The following TACC1 variants were observed in gnomAD, a reference collection of about 807,000 sequenced individuals.
TACC1 encodes the protein transforming acidic coiled-coil-containing protein 1.
In TACC1, 48 loss-of-function variants were observed where a neutral mutation model predicts 84.4. The observed-to-expected ratio is 0.57, with a 90% CI of 0.45 to 0.72. TACC1 has a LOEUF of 0.72. Among genes scored for constraint, TACC1 ranks in the 30% least tolerant of loss-of-function variants. The probability of loss-of-function intolerance (pLI) is 0.00; values close to 1 mark genes in which losing one functional copy is unlikely to be tolerated. For synonymous variants in TACC1, 372 were observed against 376.3 expected (o/e 0.99, Z 0.13); for missense variants, 920 against 973.0 (o/e 0.95, Z 0.72).
chr8:38,736,545 G>T (rs374543986), intron 1 of TACC1, among the ~76,000 whole-genome samples: 1 of 152,212 alleles, frequency 6.6e-6, no homozygotes, highest in South Asian at 2.1e-4. Flanking sequence ...GAGCTCAGGA[G>T]GTCAAGGCTG....
At chr8:38,845,772 C>T (rs1832110886) in intron 11 of TACC1, among the ~76,000 whole-genome samples, 1 of 152,242 alleles carries the variant, frequency 6.6e-6, no homozygotes, top group Non-Finnish European at 1.5e-5. Flanking sequence ...GTGACTACCA[C>T]ATTGCCCGCC....
Position 38,846,828 on chromosome 8 carries a change from AG to A in TACC1, c.2349+12del, listed in dbSNP as rs766786767. The A allele has an allele frequency of 1.4e-5, 22 of 1,613,920 alleles. No individual in the cohort carries two copies. The Admixed American group carries it at 3.5e-4, about 26-fold the overall frequency. On this transcript the variant is annotated intron_variant, in intron 12 of 12. Coordinates refer to ENST00000317827, the MANE Select transcript of TACC1 (RefSeq NM_006283.3). The stretch of plus-strand genomic sequence containing the variant: ...GGGCCCTGCAGCAGAAGGTACAGAA[AG>A]GGACCTGATCTGGGTGGCCACAGAG...
At chr8:38,799,390 A>C (rs1820807390) in intron 2 of TACC1, among the ~76,000 whole-genome samples, 2 of 152,248 alleles carry the variant, frequency 1.3e-5, no homozygotes, top group South Asian at 4.1e-4. Context: ...TTGGACGCTC[A>C]GTTTCTGCTC....
In TACC1 at chr8:38,851,915, A is replaced by C. The variant is rs934990970; in HGVS notation, c.*3892A>C. ...TTTAATAAAGAAGTATTTCGAGGAG[A>C]TATCTGTCCAAAAAGGTTTGACTGG... On this transcript the variant is annotated 3_prime_UTR_variant, in exon 13 of 13. Transcript: ENST00000317827. 4.4e-6 allele frequency: 2 copies of C among 453,256 alleles called. No individual in the cohort carries two copies. Among genetic ancestry groups the C allele is most frequent in the African/African-American group, 4.0e-5 (2 of 49,928 alleles). The allele number at this position is 453,256 out of a possible 1,614,324, so 28.1% of individuals were successfully genotyped here. A position where few individuals can be genotyped will look rare whatever the true frequency, so the allele number is the denominator to read the frequency against.
intron 2 of TACC1, among the ~76,000 whole-genome samples, chr8:38,790,545 C>T (rs1818401148): frequency 6.6e-6 from 1 of 152,170 alleles, no homozygotes; most frequent in African/African-American, 2.4e-5. Context: ...GGCACTGTCA[C>T]CCTGAAGTGG....
At chr8:38,842,557 A>G in intron 10 of TACC1, 110 bp downstream of exon 10, 1 of 1,192,466 alleles carries the variant, frequency 8.4e-7, no homozygotes. Flanking sequence ...TTTAAATAGG[A>G]GCTCAGGGCC....
intron 5 of TACC1, among the ~76,000 whole-genome samples, chr8:38,830,600 CT>C (rs1388815387): frequency 1.3e-5 from 2 of 151,900 alleles, no homozygotes; most frequent in Non-Finnish European, 2.9e-5. Context: ...ATCCTCTACC[CT>C]AGTAGAGTAG....
intron 3 of TACC1, among the ~76,000 whole-genome samples, chr8:38,764,222 C>A (rs1016894931): frequency 6.6e-6 from 1 of 152,002 alleles, no homozygotes; most frequent in Non-Finnish European, 1.5e-5. Context: ...GGATTACAGG[C>A]GCCCACCACC....
intron 3 of TACC1, among the ~76,000 whole-genome samples, chr8:38,822,900 A>G (rs1395287822): frequency 6.6e-6 from 1 of 152,180 alleles, no homozygotes; most frequent in Non-Finnish European, 1.5e-5. Flanking sequence ...ATTACATGGC[A>G]CCTGACTGTA....
intron 3 of TACC1, among the ~76,000 whole-genome samples, chr8:38,770,919 A>G (rs537826779): frequency 6.6e-6 from 1 of 152,160 alleles, no homozygotes; most frequent in African/African-American, 2.4e-5. Context: ...AGGCTGAGGA[A>G]TGTTGCCTCA....
intron 3 of TACC1, among the ~76,000 whole-genome samples, chr8:38,758,464 G>A (rs773708564): frequency 2.0e-5 from 3 of 152,110 alleles, no homozygotes; most frequent in Non-Finnish European, 2.9e-5. Flanking sequence ...GATCCCCTGA[G>A]GTCAGGAGTT....
At chr8:38,842,231 A>G in intron 9 of TACC1, 56 bp from the exon 10 acceptor site, 1 of 1,575,924 alleles carries the variant, frequency 6.3e-7, no homozygotes, top group Non-Finnish European at 8.6e-7. Context: ...CTTGTCTTCT[A>G]AGGAGTGTCT....
chr8:38,730,270 G>A (rs561396691), intron 1 of TACC1, among the ~76,000 whole-genome samples: 9 of 152,326 alleles, frequency 5.9e-5, no homozygotes, highest in South Asian at 4.1e-4. Context: ...AAGGCTCAGC[G>A]AGCCAGCTGT....
At chr8:38,779,261 C>A (rs1172429349) in intron 3 of TACC1, among the ~76,000 whole-genome samples, 1 of 152,198 alleles carries the variant, frequency 6.6e-6, no homozygotes, top group Non-Finnish European at 1.5e-5. Context: ...AGGAAGATGC[C>A]ACTATGCCTG....
At chr8:38,773,593 T>TCTATCTAGCTATCTATCTAGCTAG (rs1563382005) in intron 3 of TACC1, among the ~76,000 whole-genome samples, 34 of 113,386 alleles carry the variant, frequency 3.0e-4, no homozygotes, top group South Asian at 8.3e-4. Context: ...TATCTAGCTA[T>TCTATCTAGCTATCTATCTAGCTAG]CTATCTATCT....
rs532510631 is a variant in TACC1 at position 38,744,345 on chromosome 8, A to G, written c.-573-550A>G. Among the ~76,000 whole-genome samples the G allele has an allele frequency of 4.6e-5, 7 of 152,106 alleles. No individual in the cohort carries two copies. In the East Asian group the frequency reaches 1.4e-3, roughly 29 times the overall value. On this transcript the variant is annotated intron_variant, in intron 2 of 14. Transcript: ENST00000518415. ...TGGCCAGGCTGGTTTCGAACTCCTG[A>G]CCTCAGGTGATCCACCCGTCTCAGC...
chr8:38,820,718 C>T, intron 3 of TACC1, 83 bp downstream of exon 3: 1 of 1,527,474 alleles, frequency 6.5e-7, no homozygotes, highest in South Asian at 1.3e-5. Flanking sequence ...CTTTGGTGAA[C>T]TGAATTTACC....
chr8:38,742,293 C>T (rs1254877404), intron 1 of TACC1: 1 of 730,946 alleles, frequency 1.4e-6, no homozygotes, highest in Non-Finnish European at 2.0e-6. Flanking sequence ...GAAACTTGTG[C>T]TGGAAACTTA....
chr8:38,771,561 A>G (rs1228279679), intron 3 of TACC1, among the ~76,000 whole-genome samples: 2 of 152,152 alleles, frequency 1.3e-5, no homozygotes, highest in African/African-American at 4.8e-5. Flanking sequence ...GTTTCTGTGT[A>G]AGAGAGTGAG....
Sources: allele counts gnomAD v4.1 joint callset (sites outside exome capture counted in the v4.1 genomes callset), GRCh38; gene constraint gnomAD v4.1.1; transcripts MANE v1.5; gene names NCBI Gene and HGNC (gene_info 2026-07-23, HGNC 2026-07-21).